C8orf34: variants seen among roughly 807,000 people sequenced by gnomAD.
C8orf34 encodes the protein chromosome 8 open reading frame 34.
A neutral mutation model predicts 68.3 loss-of-function variants in C8orf34; 65 were observed. The ratio of observed to expected loss-of-function variants is 0.95; its 90% CI spans 0.78 to 1.17. The LOEUF is 1.17. C8orf34 is among the 50% of genes most tolerant of loss of function. The probability of loss-of-function intolerance (pLI) is 0.00; values close to 1 mark genes in which losing one functional copy is unlikely to be tolerated. For missense variants in C8orf34, 664 were observed against 655.4 expected, an observed-to-expected ratio of 1.01 and a Z score of -0.14; for synonymous variants, 244 against 241.2, an observed-to-expected ratio of 1.01 and a Z score of -0.11.
intron 7 of C8orf34, among the ~76,000 whole-genome samples, chr8:68,578,561 G>A (rs1331082772): frequency 2.0e-5 from 3 of 151,704 alleles, no homozygotes; most frequent in African/African-American, 7.3e-5. Context: ...ATGCTTATAA[G>A]CAATTGAGGC....
chr8:68,685,250 C>A (rs1820481224), intron 8 of C8orf34, among the ~76,000 whole-genome samples: 1 of 152,038 alleles, frequency 6.6e-6, no homozygotes, highest in Admixed American at 6.6e-5. Context: ...CAAGGGTTCA[C>A]CATAGCATTC....
intron 1 of C8orf34, 123 bp downstream of exon 1, chr8:68,331,462 G>A: frequency 9.0e-7 from 1 of 1,116,262 alleles, no homozygotes; most frequent in Non-Finnish European, 1.3e-6. Flanking sequence ...ACGCGCGGGA[G>A]AGGGCGCCCT....
chr8:68,499,167 G>A (rs1430839158), intron 5 of C8orf34, among the ~76,000 whole-genome samples: 4 of 152,154 alleles, frequency 2.6e-5, no homozygotes, highest in African/African-American at 9.7e-5. Flanking sequence ...TTGTAAGTGA[G>A]AACATGTGGT....
chr8:68,719,217 C>G (rs574959650), intron 9 of C8orf34, among the ~76,000 whole-genome samples: 1 of 152,154 alleles, frequency 6.6e-6, no homozygotes, highest in African/African-American at 2.4e-5. Flanking sequence ...TAGATTTGGG[C>G]TATTTGGCAG....
At chr8:68,591,900 G>T in intron 7 of C8orf34, among the ~76,000 whole-genome samples, 1 of 152,166 alleles carries the variant, frequency 6.6e-6, no homozygotes, top group East Asian at 1.9e-4. Flanking sequence ...CATGAACTCC[G>T]CTGTCTTTCA....
intron 10 of C8orf34, 98 bp downstream of exon 10, chr8:68,721,535 AC>A (rs1821678294): frequency 3.8e-6 from 3 of 798,314 alleles, no homozygotes; most frequent in African/African-American, 3.5e-5. Flanking sequence ...CAGCTTTCTT[AC>A]TGATTAATTA....
chr8:68,542,215 C>T (rs1350707942), intron 7 of C8orf34, among the ~76,000 whole-genome samples: 1 of 152,152 alleles, frequency 6.6e-6, no homozygotes, highest in Non-Finnish European at 1.5e-5. Context: ...ATGGAATGTG[C>T]AGAATTCCAA....
intron 7 of C8orf34, among the ~76,000 whole-genome samples, chr8:68,597,816 C>T (rs904944998): frequency 1.3e-5 from 2 of 151,956 alleles, no homozygotes; most frequent in African/African-American, 4.8e-5. Context: ...GGTCTGACAG[C>T]CAGTAGCACA....
At chr8:68,773,740 G>C (rs1361019553) in intron 10 of C8orf34, among the ~76,000 whole-genome samples, 3 of 151,986 alleles carry the variant, frequency 2.0e-5, no homozygotes, top group Non-Finnish European at 4.4e-5. Context: ...CCATTGCAGT[G>C]ACTTACAAAT....
intron 1 of C8orf34, among the ~76,000 whole-genome samples, chr8:68,353,966 G>T (rs1199121766): frequency 6.6e-6 from 1 of 151,818 alleles, no homozygotes; most frequent in African/African-American, 2.4e-5. Context: ...ATCCCCTTCT[G>T]CATCTGAGGG....
intron 7 of C8orf34, among the ~76,000 whole-genome samples, chr8:68,632,033 G>A (rs1179497769): frequency 6.6e-6 from 1 of 152,192 alleles, no homozygotes; most frequent in Admixed American, 6.5e-5. Context: ...TTGGAACTGG[G>A]TAATGGGCAG....
intron 12 of C8orf34, among the ~76,000 whole-genome samples, chr8:68,794,505 ATTTTT>A (rs57673879): frequency 3.2e-5 from 2 of 62,252 alleles, no homozygotes; most frequent in African/African-American, 2.4e-4. Flanking sequence ...ATATATATAT[ATTTTT>A]TTTTTTTTTT....
At chr8:68,775,630 G>A (rs1404534798) in intron 10 of C8orf34, among the ~76,000 whole-genome samples, 1 of 152,146 alleles carries the variant, frequency 6.6e-6, no homozygotes, top group Non-Finnish European at 1.5e-5. Flanking sequence ...TGTCCTCTAT[G>A]TAAAAAATAT....
intron 8 of C8orf34, among the ~76,000 whole-genome samples, chr8:68,696,560 A>T (rs1000006597): frequency 6.6e-6 from 1 of 151,730 alleles, no homozygotes; most frequent in African/African-American, 2.4e-5. Context: ...ACAAAATCTA[A>T]TGAATCAATA....
chr8:68,733,216 T>A (rs570354136), intron 10 of C8orf34, among the ~76,000 whole-genome samples: 8 of 152,346 alleles, frequency 5.3e-5, no homozygotes, highest in African/African-American at 1.9e-4. Context: ...CCAGGCATTG[T>A]ACAAACATCC....
intron 11 of C8orf34, among the ~76,000 whole-genome samples, chr8:68,783,753 C>T (rs1450050152): frequency 6.6e-6 from 1 of 151,988 alleles, no homozygotes; most frequent in East Asian, 1.9e-4. Flanking sequence ...CCAAGCTGTG[C>T]CCCAACCACC....
At chr8:68,666,319 TAAGA>T (rs1209443480) in intron 8 of C8orf34, among the ~76,000 whole-genome samples, 2 of 152,180 alleles carry the variant, frequency 1.3e-5, no homozygotes, top group Admixed American at 1.3e-4. Flanking sequence ...GAATTTTCCA[TAAGA>T]AAGTACCCCA....
intron 8 of C8orf34, among the ~76,000 whole-genome samples, chr8:68,643,296 T>C (rs1475416322): frequency 6.6e-6 from 1 of 152,204 alleles, no homozygotes; most frequent in Non-Finnish European, 1.5e-5. Flanking sequence ...AAGTAAGGCA[T>C]TTAAAATTGT....
intron 10 of C8orf34, among the ~76,000 whole-genome samples, chr8:68,741,691 T>G (rs941164452): frequency 3.3e-5 from 5 of 152,158 alleles, no homozygotes; most frequent in Non-Finnish European, 7.4e-5. Context: ...GTTTTAATTT[T>G]TAGCTCCCAC....
Sources: allele counts gnomAD v4.1 joint callset (sites outside exome capture counted in the v4.1 genomes callset), GRCh38; gene constraint gnomAD v4.1.1; transcripts MANE v1.5; gene names NCBI Gene and HGNC (gene_info 2026-07-23, HGNC 2026-07-21).